Variants in HHIPL1 observed in about 807,000 individuals in gnomAD.
The protein encoded by HHIPL1 is HHIP like 1.
A neutral mutation model predicts 61.8 loss-of-function variants in HHIPL1; 43 were observed. The ratio of observed to expected loss-of-function variants is 0.70; its 90% CI spans 0.55 to 0.90. The LOEUF (loss-of-function observed/expected upper bound fraction) is 0.90, where lower values mean the gene tolerates loss of function less well. Among genes scored for constraint, HHIPL1 ranks in the 40% least tolerant of loss-of-function variants. The probability of loss-of-function intolerance (pLI) is 0.00; values close to 1 mark genes in which losing one functional copy is unlikely to be tolerated. For missense variants in HHIPL1, 1,056 were observed against 1,157.7 expected, an observed-to-expected ratio of 0.91 and a Z score of 1.28; for synonymous variants, 482 against 515.8, an observed-to-expected ratio of 0.93 and a Z score of 0.89.
Position 99,645,252 on chromosome 14 carries a change from C to CT in HHIPL1, c.45_46insT (p.Gly16TrpfsTer35). On this transcript the variant is annotated frameshift_variant, in exon 1 of 9. Coordinates refer to ENST00000330710, the MANE Select transcript of HHIPL1 (RefSeq NM_001127258.3). LOFTEE classifies it high-confidence loss of function. ...GGGCGCTGCTGGCGCTTTGGGTGCT[C>CT]GGGGCCGCCGCGCATCCGCAGTGCC... 1 of 1,380,186 alleles carries CT rather than the reference C, an allele frequency of 7.2e-7. No homozygotes were observed. The highest frequency in any genetic ancestry group is 9.3e-7 in the Non-Finnish European group (1 of 1,070,814). The allele number at this position is 1,380,186 out of a possible 1,614,324, so 85.5% of individuals were successfully genotyped here. A position where few individuals can be genotyped will look rare whatever the true frequency, so the allele number is the denominator to read the frequency against.
At chr14:99,670,249 C>G (rs1322308954) in intron 7 of HHIPL1, among the ~76,000 whole-genome samples, 6 of 152,030 alleles carry the variant, frequency 3.9e-5, no homozygotes, top group Admixed American at 6.6e-5. Context: ...GTAGCTGGGA[C>G]TACAGGTGCC....
intron 3 of HHIPL1, among the ~76,000 whole-genome samples, chr14:99,659,195 C>T (rs531094653): frequency 6.6e-6 from 1 of 152,358 alleles, no homozygotes; most frequent in African/African-American, 2.4e-5. Context: ...GTGTCCAACG[C>T]ATGGGACAGG....
At chr14:99,669,812 C>G (rs1278704089) in intron 7 of HHIPL1, among the ~76,000 whole-genome samples, 1 of 152,134 alleles carries the variant, frequency 6.6e-6, no homozygotes, top group Non-Finnish European at 1.5e-5. Flanking sequence ...ATAGTCCCAG[C>G]TACTTGGGAT....
chr14:99,615,179 A>G, the HHIPL1 span, among the ~76,000 whole-genome samples: 271 of 152,018 alleles, frequency 1.8e-3, 2 homozygotes, highest in African/African-American at 6.2e-3. Flanking sequence ...AGAGTGAGAC[A>G]TTTTCCAATT....
chr14:99,670,496 G>T (rs1290901273), intron 7 of HHIPL1, among the ~76,000 whole-genome samples: 1 of 152,134 alleles, frequency 6.6e-6, no homozygotes, highest in African/African-American at 2.4e-5. Flanking sequence ...TTTAGTGGTT[G>T]CGTCTGCTTA....
the HHIPL1 span, among the ~76,000 whole-genome samples, chr14:99,619,474 A>T: frequency 6.6e-6 from 1 of 151,988 alleles, no homozygotes. Flanking sequence ...AAAAAAAAAA[A>T]AAAGACTTAG....
At chr14:99,623,874 A>G in the HHIPL1 span, among the ~76,000 whole-genome samples, 1 of 152,182 alleles carries the variant, frequency 6.6e-6, no homozygotes, top group Non-Finnish European at 1.5e-5. Flanking sequence ...CGAGAATTCC[A>G]TCATCACTCA....
chr14:99,661,203 G>A (rs1007025524), intron 5 of HHIPL1, among the ~76,000 whole-genome samples: 7 of 152,140 alleles, frequency 4.6e-5, no homozygotes, highest in African/African-American at 1.4e-4. Context: ...AGGCTGAGAC[G>A]GCTTGGTCTG....
the HHIPL1 span, among the ~76,000 whole-genome samples, chr14:99,618,167 G>A: frequency 3.3e-5 from 5 of 152,292 alleles, no homozygotes; most frequent in Middle Eastern, 3.4e-3. Flanking sequence ...CACCAAGCAG[G>A]TGGGGGTTGC....
chr14:99,611,928 A>G, the HHIPL1 span, among the ~76,000 whole-genome samples: 1,599 of 152,300 alleles, frequency 0.01, 26 homozygotes, highest in African/African-American at 0.037. Context: ...TACTCCTGCC[A>G]GAAGGATATG....
At chr14:99,637,048 AAGG>A in the HHIPL1 span, among the ~76,000 whole-genome samples, 20 of 89,744 alleles carry the variant, frequency 2.2e-4, no homozygotes, top group African/African-American at 7.0e-4. Flanking sequence ...AGAAAGAAAG[AAGG>A]AAGGAAGGAA....
the HHIPL1 span, among the ~76,000 whole-genome samples, chr14:99,619,389 G>A: frequency 6.6e-4 from 100 of 151,684 alleles, no homozygotes; most frequent in Non-Finnish European, 1.2e-3. Flanking sequence ...TTGAACCCGG[G>A]AGGCAGAGGT....
upstream of HHIPL1, among the ~76,000 whole-genome samples, chr14:99,644,115 G>C (rs2055789072): frequency 6.6e-6 from 1 of 152,150 alleles, no homozygotes; most frequent in South Asian, 2.1e-4. Context: ...ACAGACCTCT[G>C]AGTGCTCCAG....
At chr14:99,636,968 GA>G in the HHIPL1 span, among the ~76,000 whole-genome samples, 25,552 of 94,410 alleles carry the variant, frequency 0.27, 3,024 homozygotes, top group Non-Finnish European at 0.31. Flanking sequence ...AGATCCTGCT[GA>G]AAAAAAAAAA....
the HHIPL1 span, among the ~76,000 whole-genome samples, chr14:99,611,603 T>G: frequency 7.1e-3 from 1,041 of 145,680 alleles, 4 homozygotes; most frequent in African/African-American, 0.021. Flanking sequence ...TTTTTTTTTT[T>G]TTTAAAGAAA....
the HHIPL1 span, among the ~76,000 whole-genome samples, chr14:99,622,812 C>T: frequency 6.6e-6 from 1 of 152,220 alleles, no homozygotes; most frequent in African/African-American, 2.4e-5. Context: ...GCCTCACTTT[C>T]CTCGTCTGTA....
chr14:99,607,527 G>C, the HHIPL1 span, among the ~76,000 whole-genome samples: 95,230 of 152,034 alleles, frequency 0.63, 33,766 homozygotes, highest in South Asian at 0.86. Context: ...AGCCAGCAGG[G>C]GCTGAGAACC....
At chr14:99,634,937 C>T in the HHIPL1 span, among the ~76,000 whole-genome samples, 16 of 152,128 alleles carry the variant, frequency 1.1e-4, no homozygotes, top group African/African-American at 3.9e-4. Context: ...TGTAATGAGC[C>T]CCCCATCTCC....
At chr14:99,611,462 T>A in the HHIPL1 span, among the ~76,000 whole-genome samples, 1 of 152,048 alleles carries the variant, frequency 6.6e-6, no homozygotes, top group Non-Finnish European at 1.5e-5. Flanking sequence ...CCCAGGTAAT[T>A]TTTAGTAAAG....
Sources: gnomAD v4.1 joint callset for allele counts (sites outside exome capture counted in the v4.1 genomes callset) on GRCh38, gnomAD v4.1.1 for gene constraint, MANE v1.5 for transcripts, NCBI Gene and HGNC (gene_info 2026-07-23, HGNC 2026-07-21) for gene names.